The following TMEM177 variants were observed in gnomAD, a reference collection of about 807,000 sequenced individuals.
TMEM177 encodes the protein transmembrane protein 177.
Under a neutral mutation model 14.2 loss-of-function variants are expected in TMEM177, and 4 were observed. That is an observed-to-expected ratio of 0.28 (90% CI 0.14 to 0.64). The LOEUF (loss-of-function observed/expected upper bound fraction) is 0.64. Ranked by LOEUF, TMEM177 falls within the 30% of genes least tolerant of loss-of-function variation. The probability of loss-of-function intolerance (pLI) is 0.82; values close to 1 mark genes in which losing one functional copy is unlikely to be tolerated. For missense variants in TMEM177, 344 were observed against 405.2 expected, an observed-to-expected ratio of 0.85 and a Z score of 1.30; for synonymous variants, 179 against 174.5, an observed-to-expected ratio of 1.03 and a Z score of -0.20.
chr2:119,681,663 G>A lies in TMEM177; in HGVS notation c.810G>A (p.Lys270=). ...GTCTCTTGGGCAAAGACGGGGAGAA[G>A]CTGTATACACCCAGCGGGAACATCG... ...LRSLLGKDGE[K]LYTPSGNIVP... is the part of the protein sequence containing the mutation. The change falls in exon 2 of 2, where the codon AAG becomes AAA. Residue 270 remains lysine (K), a synonymous_variant. Coordinates refer to ENST00000272521, the MANE Select transcript of TMEM177 (RefSeq NM_030577.3). The A allele has an allele frequency of 6.2e-7, 1 of 1,614,230 alleles. No homozygotes were observed. Among genetic ancestry groups the A allele is most frequent in the Non-Finnish European group, 8.5e-7 (1 of 1,180,046 alleles).
At chr2:119,705,221 G>A in the TMEM177 span, among the ~76,000 whole-genome samples, 5 of 152,168 alleles carry the variant, frequency 3.3e-5, no homozygotes, top group African/African-American at 4.8e-5. Flanking sequence ...CAAACCTAGT[G>A]GCTTATTCCA....
the TMEM177 span, among the ~76,000 whole-genome samples, chr2:119,708,704 C>A: frequency 6.6e-6 from 1 of 152,000 alleles, no homozygotes; most frequent in African/African-American, 2.4e-5. Context: ...CACTGGCACA[C>A]CCTGCTCATG....
In TMEM177 at chr2:119,681,513, G is replaced by A; in HGVS notation, c.660G>A (p.Gln220=). 2 of 1,613,976 alleles carry A rather than the reference G, an allele frequency of 1.2e-6. No individual in the cohort carries two copies. The highest frequency in any genetic ancestry group is 1.7e-6 in the Non-Finnish European group (2 of 1,180,046). The part of the protein sequence containing the change: ...VAGFVAYAFS[Q]DSLTHAVESW... ...GCTTTGTGGCCTACGCCTTCTCCCA[G>A]GATTCTCTCACTCATGCCGTGGAGT... Residue 220 remains glutamine, a synonymous_variant, in exon 2 of 2, where the codon CAG becomes CAA. Coordinates refer to ENST00000272521, the MANE Select transcript of TMEM177 (RefSeq NM_030577.3).
At chr2:119,720,980 T>G in the TMEM177 span, among the ~76,000 whole-genome samples, 2 of 152,222 alleles carry the variant, frequency 1.3e-5, no homozygotes, top group Non-Finnish European at 2.9e-5. Flanking sequence ...CAGGTTTGTC[T>G]GAAGGTCAGG....
chr2:119,685,864 G>T (rs1228781107), downstream of TMEM177: 2 of 602,178 alleles, frequency 3.3e-6, no homozygotes, highest in Non-Finnish European at 3.0e-6. Flanking sequence ...TGGGTTAGAA[G>T]TAACTTTTTC....
downstream of TMEM177, among the ~76,000 whole-genome samples, chr2:119,689,019 C>G (rs759765542): frequency 3.3e-5 from 5 of 152,238 alleles, no homozygotes; most frequent in Admixed American, 1.3e-4. Context: ...CCTGGGCAAG[C>G]CTTTCTCAGA....
At chr2:119,710,733 C>T in the TMEM177 span, among the ~76,000 whole-genome samples, 412 of 152,246 alleles carry the variant, frequency 2.7e-3, 2 homozygotes, top group African/African-American at 9.7e-3. Context: ...CCTCAGCCTC[C>T]TGAGTAGCTG....
chr2:119,706,799 C>T, the TMEM177 span, among the ~76,000 whole-genome samples: 1 of 152,180 alleles, frequency 6.6e-6, no homozygotes, highest in Non-Finnish European at 1.5e-5. Flanking sequence ...TAACATTAGC[C>T]CTCATGGTCA....
At chr2:119,718,783 T>C in the TMEM177 span, among the ~76,000 whole-genome samples, 1 of 151,860 alleles carries the variant, frequency 6.6e-6, no homozygotes, top group South Asian at 2.1e-4. Flanking sequence ...AGCTACTTCA[T>C]AAACCCTGTA....
downstream of TMEM177, among the ~76,000 whole-genome samples, chr2:119,689,984 T>G (rs1689069425): frequency 1.3e-5 from 2 of 152,138 alleles, no homozygotes; most frequent in South Asian, 4.1e-4. Flanking sequence ...GAGCCCTTGC[T>G]CCCCAAAGAG....
At chr2:119,714,891 C>T in the TMEM177 span, among the ~76,000 whole-genome samples, 1 of 152,132 alleles carries the variant, frequency 6.6e-6, no homozygotes. Context: ...CAAGCTTGGG[C>T]AAGGAAGAGG....
chr2:119,703,020 G>A, the TMEM177 span, among the ~76,000 whole-genome samples: 4 of 152,236 alleles, frequency 2.6e-5, no homozygotes, highest in African/African-American at 9.6e-5. Flanking sequence ...CTGGCCAGCA[G>A]GGGGAGCAAG....
Position 119,681,255 on chromosome 2 carries a change from A to G in TMEM177, c.402A>G (p.Pro134=). Residue 134 remains proline, a synonymous_variant, in exon 2 of 2, where the codon CCA becomes CCG. Coordinates refer to ENST00000272521, the MANE Select transcript of TMEM177 (RefSeq NM_030577.3). The part of the protein sequence containing the change: ...IHGHTVDWRS[P]AGARLRASLT... ...GGCATACAGTGGACTGGCGGAGCCC[A>G]GCAGGCGCCCGGCTGAGAGCTTCCC... 6.2e-7 allele frequency: 1 copy of G among 1,614,270 alleles called. No individual in the cohort carries two copies. The highest frequency in any genetic ancestry group is 1.1e-5 in the South Asian group (1 of 91,090).
chr2:119,699,377 C>T, the TMEM177 span, among the ~76,000 whole-genome samples: 318 of 152,302 alleles, frequency 2.1e-3, 1 homozygote, highest in Non-Finnish European at 1.9e-3. Flanking sequence ...CCCCCATGAT[C>T]CAATCCCCTC....
downstream of TMEM177, among the ~76,000 whole-genome samples, chr2:119,688,469 G>A (rs1689050392): frequency 6.6e-6 from 1 of 152,160 alleles, no homozygotes; most frequent in African/African-American, 2.4e-5. Flanking sequence ...ACACACCCAG[G>A]CTAGATGGTG....
the TMEM177 span, among the ~76,000 whole-genome samples, chr2:119,704,414 A>G: frequency 6.6e-6 from 1 of 152,180 alleles, no homozygotes; most frequent in Non-Finnish European, 1.5e-5. Context: ...CCTGGCCAAC[A>G]TGGTGAAACC....
Position 119,680,846 on chromosome 2 carries a change from C to A in TMEM177, c.-8C>A. 1.2e-6 allele frequency: 2 copies of A among 1,610,360 alleles called. No homozygotes were observed. The highest frequency in any genetic ancestry group is 1.7e-6 in the Non-Finnish European group (2 of 1,177,316). ...TCTTGGCCCAGATTGTCCGCAGTGA[C>A]TACACTCATGGCAGGTCCCCTGTGG... On this transcript the variant is annotated 5_prime_UTR_variant, in exon 2 of 2. Coordinates refer to ENST00000272521, the MANE Select transcript of TMEM177 (RefSeq NM_030577.3).
the TMEM177 span, among the ~76,000 whole-genome samples, chr2:119,691,969 C>T: frequency 6.6e-6 from 1 of 152,192 alleles, no homozygotes; most frequent in Non-Finnish European, 1.5e-5. Context: ...GGCCCAGCCT[C>T]GCAGTCTGGA....
chr2:119,699,491 G>C, the TMEM177 span, among the ~76,000 whole-genome samples: 14 of 152,166 alleles, frequency 9.2e-5, no homozygotes, highest in Non-Finnish European at 1.8e-4. Flanking sequence ...GAGTAAGACA[G>C]GGTTCCATTG....
Sources: gnomAD v4.1 joint callset for allele counts (sites outside exome capture counted in the v4.1 genomes callset) on GRCh38, gnomAD v4.1.1 for gene constraint, MANE v1.5 for transcripts, NCBI Gene and HGNC (gene_info 2026-07-23, HGNC 2026-07-21) for gene names.